KIF6: variants seen among roughly 807,000 people sequenced by gnomAD.
KIF6 encodes kinesin family member 6, also known as kinesin-like protein KIF6.
A neutral mutation model predicts 112.7 loss-of-function variants in KIF6; 106 were observed. The ratio of observed to expected loss-of-function variants is 0.94; its 90% CI spans 0.80 to 1.11. KIF6 has a LOEUF of 1.11. Ranked by LOEUF, KIF6 falls within the 50% of genes least tolerant of loss-of-function variation. KIF6 has a pLI of 0.00. For synonymous variants in KIF6, 339 were observed against 339.9 expected (o/e 1.00, Z 0.03); for missense variants, 929 against 964.0 (o/e 0.96, Z 0.48).
At chr6:39,602,202 A>T (rs183167798) in intron 6 of KIF6, among the ~76,000 whole-genome samples, 15 of 152,244 alleles carry the variant, frequency 9.9e-5, no homozygotes, top group Admixed American at 3.3e-4. Context: ...CAAAAATATT[A>T]GCTTGTTATC....
At chr6:39,551,466 A>G (rs1456209788) in intron 10 of KIF6, among the ~76,000 whole-genome samples, 1 of 152,178 alleles carries the variant, frequency 6.6e-6, no homozygotes, top group African/African-American at 2.4e-5. Context: ...AATTTATTGT[A>G]TATTTCGAAA....
intron 8 of KIF6, among the ~76,000 whole-genome samples, chr6:39,585,963 C>T (rs571576287): frequency 7.1e-4 from 108 of 152,324 alleles, no homozygotes; most frequent in Middle Eastern, 3.4e-3. Flanking sequence ...TCAGCTCTCC[C>T]ATTTCTTTGG....
intron 5 of KIF6, chr6:39,620,495 A>G (rs1335723065): frequency 6.6e-6 from 1 of 152,164 alleles, no homozygotes; most frequent in Non-Finnish European, 1.5e-5. Context: ...ATGATACTAC[A>G]TTTTAAAAGT....
chr6:39,535,932 T>C (rs374669724), intron 13 of KIF6, among the ~76,000 whole-genome samples: 104 of 152,106 alleles, frequency 6.8e-4, no homozygotes, highest in Admixed American at 2.2e-3. Context: ...CTCAACTACA[T>C]GGAAACTGAA....
At chr6:39,371,568 C>A (rs1671572875) in intron 16 of KIF6, among the ~76,000 whole-genome samples, 1 of 152,204 alleles carries the variant, frequency 6.6e-6, no homozygotes, top group Non-Finnish European at 1.5e-5. Flanking sequence ...ATTCTAGTAA[C>A]TTTTCCCTGT....
At chr6:39,701,725 A>G (rs1788889028) in intron 3 of KIF6, among the ~76,000 whole-genome samples, 1 of 152,236 alleles carries the variant, frequency 6.6e-6, no homozygotes. Flanking sequence ...ATATGGAGCC[A>G]CTGAAGGGTT....
intron 5 of KIF6, among the ~76,000 whole-genome samples, chr6:39,615,032 G>A (rs1783426198): frequency 6.6e-6 from 1 of 152,104 alleles, no homozygotes. Flanking sequence ...AAAAGGGCTA[G>A]GTGCAGTGGC....
chr6:39,651,997 G>A (rs559517859), intron 3 of KIF6, among the ~76,000 whole-genome samples: 2 of 152,244 alleles, frequency 1.3e-5, no homozygotes, highest in Non-Finnish European at 2.9e-5. Context: ...ATGGAACTAT[G>A]TATGGCCTGT....
chr6:39,581,648 G>A lies in KIF6; in HGVS notation c.1077+3250C>T, dbSNP rs140716554. ...CAAGCTGCCCTGACATCTCCATATG[G>A]TAGTGGATAGATTTTTTTTTTTATA... On this transcript the variant is annotated intron_variant, in intron 9 of 22. Coordinates refer to ENST00000287152, the MANE Select transcript of KIF6 (RefSeq NM_145027.6). Among the ~76,000 whole-genome samples the A allele has an allele frequency of 6.1e-4, 93 of 152,130 alleles. No individual in the cohort carries two copies. The Middle Eastern group carries it at 0.01, about 17-fold the overall frequency.
At chr6:39,550,899 G>T (rs946823185) in intron 10 of KIF6, among the ~76,000 whole-genome samples, 9 of 152,172 alleles carry the variant, frequency 5.9e-5, no homozygotes, top group African/African-American at 2.2e-4. Flanking sequence ...ATGGGAGATA[G>T]TGACAAAGAT....
intron 15 of KIF6, among the ~76,000 whole-genome samples, chr6:39,393,635 T>C (rs962288005): frequency 6.6e-6 from 1 of 152,212 alleles, no homozygotes; most frequent in Admixed American, 6.5e-5. Flanking sequence ...TATGTGTGTA[T>C]CTGAAAACCA....
At chr6:39,576,996 G>A (rs1582177115) in intron 10 of KIF6, among the ~76,000 whole-genome samples, 1 of 152,230 alleles carries the variant, frequency 6.6e-6, no homozygotes, top group African/African-American at 2.4e-5. Flanking sequence ...TGAGGTTAGT[G>A]TTCTCAATAT....
intron 13 of KIF6, among the ~76,000 whole-genome samples, chr6:39,432,841 A>G (rs1464927117): frequency 6.6e-6 from 1 of 152,208 alleles, no homozygotes; most frequent in African/African-American, 2.4e-5. Context: ...AGTAGAGGGC[A>G]TGAGACTTTG....
chr6:39,392,986 T>C (rs766826807), intron 15 of KIF6, among the ~76,000 whole-genome samples: 1 of 152,196 alleles, frequency 6.6e-6, no homozygotes, highest in South Asian at 2.1e-4. Context: ...ACACATATCA[T>C]AGTAAAATTA....
chr6:39,666,691 T>C (rs1786479434), intron 3 of KIF6, among the ~76,000 whole-genome samples: 1 of 152,166 alleles, frequency 6.6e-6, no homozygotes, highest in Non-Finnish European at 1.5e-5. Context: ...ACAAAGGATG[T>C]TTTTTGAAGG....
intron 19 of KIF6, among the ~76,000 whole-genome samples, chr6:39,354,878 T>C (rs969573957): frequency 1.3e-5 from 2 of 152,200 alleles, no homozygotes; most frequent in South Asian, 4.1e-4. Context: ...TGCCTGCCCA[T>C]GCCCATTTAA....
chr6:39,549,077 C>G (rs1038286777), intron 10 of KIF6, among the ~76,000 whole-genome samples: 2 of 152,110 alleles, frequency 1.3e-5, no homozygotes, highest in African/African-American at 4.8e-5. Context: ...AATGAAATAC[C>G]TCTGACAGCC....
rs3823213 is a variant in KIF6, at chr6:39,336,094, C to T, written c.*438G>A. 0.23 allele frequency: 35,239 copies of T among 156,352 alleles called. 4,499 individuals carry two copies. The highest frequency in any genetic ancestry group is 0.46 in the East Asian group (2,451 of 5,290). The allele number at this position is 156,352 out of a possible 1,614,324, so 9.7% of individuals were successfully genotyped here. A position where few individuals can be genotyped will look rare whatever the true frequency, so the allele number is the denominator to read the frequency against. ...ATTTCTGGGCTTCCAAACCAGAGCA[C>T]GGGCCAAGGGAGAGAGCTGGCAAAT... On this transcript the variant is annotated 3_prime_UTR_variant, in exon 23 of 23. Transcript: ENST00000287152.
chr6:39,683,002 G>T (rs932712010), intron 3 of KIF6, among the ~76,000 whole-genome samples: 1 of 152,254 alleles, frequency 6.6e-6, no homozygotes, highest in Non-Finnish European at 1.5e-5. Flanking sequence ...CAAAGGGCAA[G>T]AACAATCTTG....
Sources: gnomAD v4.1 joint callset for allele counts (sites outside exome capture counted in the v4.1 genomes callset) on GRCh38, gnomAD v4.1.1 for gene constraint, MANE v1.5 for transcripts, NCBI Gene and HGNC (gene_info 2026-07-23, HGNC 2026-07-21) for gene names.